ASPH: variants seen among roughly 807,000 people sequenced by gnomAD.
The protein encoded by ASPH is aspartate beta-hydroxylase, also known as aspartyl/asparaginyl beta-hydroxylase.
Under a neutral mutation model 118.4 loss-of-function variants are expected in ASPH, and 100 were observed. The observed-to-expected ratio is 0.84, with a 90% CI of 0.72 to 1.00. The LOEUF (loss-of-function observed/expected upper bound fraction) is 1.00. ASPH is among the 50% of genes least tolerant of loss of function. ASPH has a pLI of 0.00. For missense variants in ASPH, 920 were observed against 919.5 expected, an observed-to-expected ratio of 1.00 and a Z score of -0.01; for synonymous variants, 315 against 325.6, an observed-to-expected ratio of 0.97 and a Z score of 0.35.
intron 1 of ASPH, among the ~76,000 whole-genome samples, chr8:61,692,973 C>T (rs1463718513): frequency 2.6e-5 from 4 of 151,646 alleles, no homozygotes; most frequent in Admixed American, 1.3e-4. Flanking sequence ...AAAAAGAAAA[C>T]GATGACATCA....
rs539484313 is a variant in ASPH, at chr8:61,636,791, A to G, written c.889+1156T>C. Reference sequence around the variant, plus strand: ...GTTTCCATCTTCTGATTCTCACCAAATAAACATATAGACTCAGTAATATTC... The same window carrying G: ...GTTTCCATCTTCTGATTCTCACCAAGTAAACATATAGACTCAGTAATATTC... On this transcript the variant is annotated intron_variant, in intron 12 of 24. Transcript: ENST00000379454. Among the ~76,000 whole-genome samples the G allele has an allele frequency of 2.0e-5, 3 of 152,292 alleles. No individual in the cohort carries two copies. The South Asian group carries it at 6.2e-4, about 32-fold the overall frequency.
chr8:61,675,077 C>T (rs1241948470), intron 3 of ASPH, among the ~76,000 whole-genome samples: 1 of 152,100 alleles, frequency 6.6e-6, no homozygotes, highest in Non-Finnish European at 1.5e-5. Flanking sequence ...ACTACTGAAG[C>T]AAACTCATTT....
At chr8:61,595,856 A>G (rs923870945) in intron 14 of ASPH, among the ~76,000 whole-genome samples, 7 of 152,112 alleles carry the variant, frequency 4.6e-5, no homozygotes, top group African/African-American at 1.4e-4. Context: ...TTGGCACCTA[A>G]GCATATCATC....
intron 1 of ASPH, among the ~76,000 whole-genome samples, chr8:61,701,706 T>C (rs755747299): frequency 1.3e-5 from 2 of 152,202 alleles, no homozygotes; most frequent in African/African-American, 2.4e-5. Flanking sequence ...CATTATATTT[T>C]AGTCATGAAG....
At chr8:61,575,407 C>T (rs59943109) in intron 16 of ASPH, among the ~76,000 whole-genome samples, 14,408 of 152,164 alleles carry the variant, frequency 0.095, 972 homozygotes, top group East Asian at 0.27. Flanking sequence ...TGTCTGTTGG[C>T]TGTTCTCTGT....
At chr8:61,579,405 G>A in intron 15 of ASPH, 1 of 1,613,650 alleles carries the variant, frequency 6.2e-7, no homozygotes, top group Non-Finnish European at 8.5e-7. Context: ...GAAGCTGCTG[G>A]AGGGCAAAGA....
intron 21 of ASPH, 55 bp from the exon 22 acceptor site, chr8:61,526,167 C>T: frequency 6.3e-7 from 1 of 1,596,112 alleles, no homozygotes; most frequent in South Asian, 1.1e-5. Flanking sequence ...TGGAGCACCT[C>T]ATAATGACTC....
chr8:61,674,653 T>C (rs1396716190), intron 3 of ASPH, among the ~76,000 whole-genome samples: 2 of 152,208 alleles, frequency 1.3e-5, no homozygotes, highest in Non-Finnish European at 2.9e-5. Flanking sequence ...GGATGTCCCA[T>C]GCTGACTTGA....
intron 3 of ASPH, chr8:61,661,954 T>TA (rs564839359): frequency 2.0e-3 from 860 of 420,342 alleles, no homozygotes; most frequent in South Asian, 5.9e-3. Context: ...AAGACTTGTT[T>TA]AAAAAAAAAA....
intron 18 of ASPH, among the ~76,000 whole-genome samples, chr8:61,560,494 G>T (rs1666792229): frequency 6.6e-6 from 1 of 151,574 alleles, no homozygotes; most frequent in African/African-American, 2.4e-5. Context: ...AACATATCAA[G>T]AAAAACCTTG....
In ASPH at chr8:61,500,761, A is replaced by AGTT. The variant is rs1176162140; in HGVS notation, c.*2595_*2597dup. 2.0e-5 allele frequency: 3 copies of AGTT among 152,216 alleles called. No individual in the cohort carries two copies. The highest frequency in any genetic ancestry group is 2.9e-5 in the Non-Finnish European group (2 of 68,038). The allele number at this position is 152,216 out of a possible 1,614,324, so 9.4% of individuals were successfully genotyped here. On this transcript the variant is annotated 3_prime_UTR_variant, in exon 25 of 25. Transcript: ENST00000379454. ...GACATGGGTATTTATTAGTATTACCAGTTGGTGCTCAAAGTCAAACAAAAA... is the reference window on the plus strand; with the variant it reads ...GACATGGGTATTTATTAGTATTACCAGTTGTTGGTGCTCAAAGTCAAACAAAAA...
chr8:61,535,229 T>C (rs997317087), intron 21 of ASPH, among the ~76,000 whole-genome samples: 1 of 152,200 alleles, frequency 6.6e-6, no homozygotes, highest in African/African-American at 2.4e-5. Context: ...AACACTTATA[T>C]AGCTTCAAGT....
In ASPH at chr8:61,513,719, G is replaced by A. The variant is rs148557016; in HGVS notation, c.2126+3809C>T. Reference sequence around the variant, plus strand: ...CAGCTCCATCCTGTCACACAAAGTAGGTTGTGTTTTACCTCAGCAGAAACT... The same window carrying A: ...CAGCTCCATCCTGTCACACAAAGTAAGTTGTGTTTTACCTCAGCAGAAACT... On this transcript the variant is annotated intron_variant, in intron 24 of 24. Coordinates refer to ENST00000379454, the MANE Select transcript of ASPH (RefSeq NM_004318.4). 4.2e-3 allele frequency among the ~76,000 whole-genome samples: 646 copies of A among 152,250 alleles called. 3 individuals carry two copies. The highest frequency in any genetic ancestry group is 7.0e-3 in the Non-Finnish European group (473 of 68,012).
Position 61,676,035 on chromosome 8 carries a change from A to T in ASPH, c.322+4933T>A, listed in dbSNP as rs1361905955. On this transcript the variant is annotated intron_variant, in intron 3 of 24. Transcript: ENST00000379454. Reference sequence around the variant, plus strand: ...AAGAAAAGAAAAAGGAGGCTGCTTCAGGTGTTCATTAGCCAATGACTTCAG... The same window carrying T: ...AAGAAAAGAAAAAGGAGGCTGCTTCTGGTGTTCATTAGCCAATGACTTCAG... The T allele has an allele frequency of 1.9e-6, 3 of 1,594,722 alleles. No homozygotes were observed. The South Asian group carries it at 3.3e-5, about 18-fold the overall frequency.
intron 21 of ASPH, among the ~76,000 whole-genome samples, chr8:61,528,100 C>T (rs929759694): frequency 1.3e-5 from 2 of 152,136 alleles, no homozygotes; most frequent in Admixed American, 6.5e-5. Context: ...CCCAGCTTGG[C>T]GTTGTCCTGG....
At chr8:61,657,557 T>C (rs1814376254) in intron 3 of ASPH, 1 of 152,226 alleles carries the variant, frequency 6.6e-6, no homozygotes. Flanking sequence ...TATGATCTTA[T>C]GGGACCACTA....
At chr8:61,611,133 T>G (rs1465696847) in intron 14 of ASPH, among the ~76,000 whole-genome samples, 1 of 152,208 alleles carries the variant, frequency 6.6e-6, no homozygotes, top group African/African-American at 2.4e-5. Context: ...GGGAGCCTGG[T>G]GAAAAAGCTA....
intron 3 of ASPH, chr8:61,657,858 A>G (rs1001539360): frequency 3.9e-5 from 6 of 152,198 alleles, no homozygotes; most frequent in Non-Finnish European, 8.8e-5. Context: ...TAGCCCATTA[A>G]AAAGCTAAAA....
rs1804836772 is a variant in ASPH at position 61,501,128 on chromosome 8, C to A, written c.*2231G>T. 6.6e-6 allele frequency: 1 copy of A among 151,926 alleles called. No individual in the cohort carries two copies. Among genetic ancestry groups the A allele is most frequent in the Non-Finnish European group, 1.5e-5 (1 of 67,980 alleles). 9.4% of individuals were successfully genotyped at this position (151,926 alleles called of 1,614,324 possible). ...TCATTTTTGTGTAGACATACGAAAT[C>A]ACAAAAATAATAACACTGAAATAAT... is the stretch of plus-strand genomic sequence containing the variant. On this transcript the variant is annotated 3_prime_UTR_variant, in exon 25 of 25. Coordinates refer to ENST00000379454, the MANE Select transcript of ASPH (RefSeq NM_004318.4).
Sources: gnomAD v4.1 joint callset for allele counts (sites outside exome capture counted in the v4.1 genomes callset) on GRCh38, gnomAD v4.1.1 for gene constraint, MANE v1.5 for transcripts, NCBI Gene and HGNC (gene_info 2026-07-23, HGNC 2026-07-21) for gene names.